Variants in KLHL1 observed in about 807,000 individuals in gnomAD.
The protein encoded by KLHL1 is kelch like family member 1, also known as kelch-like protein 1.
In KLHL1, 47 loss-of-function variants were observed where a neutral mutation model predicts 77.7. The ratio of observed to expected loss-of-function variants is 0.60; its 90% CI spans 0.48 to 0.77. The LOEUF (loss-of-function observed/expected upper bound fraction) is 0.77. KLHL1 is among the 30% of genes least tolerant of loss of function. The pLI, the probability that KLHL1 is intolerant of heterozygous loss-of-function variation, is 0.00. For synonymous variants in KLHL1, 360 were observed against 325.2 expected (o/e 1.11, Z -1.15); for missense variants, 925 against 910.8 (o/e 1.02, Z -0.20).
chr13:69,805,212 C>G (rs1161118414), intron 6 of KLHL1, among the ~76,000 whole-genome samples: 2 of 151,836 alleles, frequency 1.3e-5, no homozygotes, highest in African/African-American at 2.4e-5. Context: ...TATTCCATAT[C>G]AATCCCTGAT....
chr13:69,752,539 C>T (rs1874531402), intron 7 of KLHL1, among the ~76,000 whole-genome samples: 2 of 152,166 alleles, frequency 1.3e-5, no homozygotes, highest in South Asian at 2.1e-4. Flanking sequence ...AAATAACAAT[C>T]GTTTGCAACT....
At chr13:69,910,423 T>G (rs1882198287) in intron 4 of KLHL1, among the ~76,000 whole-genome samples, 1 of 152,050 alleles carries the variant, frequency 6.6e-6, no homozygotes. Flanking sequence ...GAGTTTACCT[T>G]ACATGTTATT....
intron 1 of KLHL1, among the ~76,000 whole-genome samples, chr13:70,091,566 T>G (rs1427786998): frequency 6.6e-6 from 1 of 152,162 alleles, no homozygotes; most frequent in South Asian, 2.1e-4. Context: ...GGATCTAAAA[T>G]TCACTCTCTC....
chr13:69,764,842 G>A (rs1875196490), intron 7 of KLHL1, among the ~76,000 whole-genome samples: 1 of 150,672 alleles, frequency 6.6e-6, no homozygotes, highest in Non-Finnish European at 1.5e-5. Context: ...TACCCTAGAG[G>A]GTGCATAATG....
At chr13:69,972,247 C>T (rs1224054684) in intron 2 of KLHL1, among the ~76,000 whole-genome samples, 1 of 151,874 alleles carries the variant, frequency 6.6e-6, no homozygotes, top group Admixed American at 6.6e-5. Context: ...CTAAATGCAT[C>T]ATTTCAATTG....
intron 5 of KLHL1, among the ~76,000 whole-genome samples, chr13:69,862,754 G>C (rs12867655): frequency 0.32 from 48,215 of 151,678 alleles, 8,160 homozygotes; most frequent in African/African-American, 0.44. Flanking sequence ...ATCTCTCTCT[G>C]TTTGTTTCTT....
At chr13:70,020,452 A>G (rs940587326) in intron 1 of KLHL1, among the ~76,000 whole-genome samples, 12 of 152,126 alleles carry the variant, frequency 7.9e-5, no homozygotes, top group African/African-American at 2.4e-4. Context: ...CTTCATTAAA[A>G]AGTCTCTTGT....
chr13:69,722,916 C>G (rs1204842817), intron 8 of KLHL1, among the ~76,000 whole-genome samples: 1 of 151,988 alleles, frequency 6.6e-6, no homozygotes, highest in South Asian at 2.1e-4. Flanking sequence ...ACGGAATCAA[C>G]TAAATGCTCA....
rs148521552 is a variant in KLHL1, at chr13:70,082,673, G to A, written c.497+24530C>T. ...CAGGTTTGTTACCTGGGCATATTAC[G>A]TGATGCTGAAGTTTGGGGTAGCAAA... is the stretch of plus-strand genomic sequence containing the variant. On this transcript the variant is annotated intron_variant, in intron 1 of 10. Coordinates refer to ENST00000377844, the MANE Select transcript of KLHL1 (RefSeq NM_020866.3). 3.8e-3 allele frequency among the ~76,000 whole-genome samples: 574 copies of A among 152,142 alleles called. 16 individuals carry two copies. Among genetic ancestry groups the A allele is most frequent in the Non-Finnish European group, 1.1e-3 (78 of 68,006 alleles).
chr13:69,923,618 G>A (rs942652009), intron 4 of KLHL1, among the ~76,000 whole-genome samples: 24 of 152,278 alleles, frequency 1.6e-4, no homozygotes, highest in Non-Finnish European at 2.6e-4. Context: ...TGGGAAGGAA[G>A]ACACATTTAT....
chr13:69,910,602 C>T (rs181078828), intron 4 of KLHL1, among the ~76,000 whole-genome samples: 295 of 152,048 alleles, frequency 1.9e-3, no homozygotes, highest in Admixed American at 3.5e-3. Context: ...CAAACATAGA[C>T]TGAGAAATTA....
At chr13:69,728,057 C>G (rs760744095) in intron 8 of KLHL1, among the ~76,000 whole-genome samples, 7 of 152,110 alleles carry the variant, frequency 4.6e-5, no homozygotes, top group Admixed American at 2.0e-4. Flanking sequence ...AAAATCATCT[C>G]TTTCAGTATG....
intron 4 of KLHL1, among the ~76,000 whole-genome samples, chr13:69,906,264 A>G (rs1360113603): frequency 6.6e-6 from 1 of 152,016 alleles, no homozygotes; most frequent in East Asian, 1.9e-4. Flanking sequence ...GGGAATTTTT[A>G]TTACCTAAAA....
At chr13:69,752,101 G>C (rs901856267) in intron 7 of KLHL1, among the ~76,000 whole-genome samples, 1 of 152,020 alleles carries the variant, frequency 6.6e-6, no homozygotes, top group Non-Finnish European at 1.5e-5. Context: ...TTAATGAAGC[G>C]ATATATACAA....
At chr13:69,718,662 T>C (rs990422988) in intron 9 of KLHL1, among the ~76,000 whole-genome samples, 14 of 152,206 alleles carry the variant, frequency 9.2e-5, no homozygotes, top group African/African-American at 2.6e-4. Flanking sequence ...CCTTACTACA[T>C]ACCATATAAT....
intron 7 of KLHL1, among the ~76,000 whole-genome samples, chr13:69,754,103 A>G (rs895275164): frequency 1.3e-5 from 2 of 151,982 alleles, no homozygotes; most frequent in African/African-American, 4.8e-5. Flanking sequence ...CAGCCTCCCA[A>G]AATGCTAGGA....
chr13:69,820,972 A>C (rs1593860862), intron 6 of KLHL1, among the ~76,000 whole-genome samples: 1 of 152,236 alleles, frequency 6.6e-6, no homozygotes, highest in Non-Finnish European at 1.5e-5. Context: ...TCTGTGGATC[A>C]CCTTGTGTGT....
At chr13:69,988,019 T>C (rs1040238962) in intron 1 of KLHL1, among the ~76,000 whole-genome samples, 1 of 151,972 alleles carries the variant, frequency 6.6e-6, no homozygotes, top group East Asian at 1.9e-4. Context: ...GGCGAACTCA[T>C]GACTCGAGGG....
rs71116960 is a variant in KLHL1, at chr13:69,926,946, C to CAAAAAAAAAAAAAAAA, written c.1014+13078_1014+13093dup. On this transcript the variant is annotated intron_variant, in intron 4 of 10. Transcript: ENST00000377844. ...TGGGTGACAGAGTGAGACTCCATCT[C>CAAAAAAAAAAAAAAAA]AAAAAAAAAAAAAAAAAAAAAAAAG... Among the ~76,000 whole-genome samples the CAAAAAAAAAAAAAAAA allele has an allele frequency of 5.5e-5, 2 of 36,038 alleles. 1 individual carries two copies. Among genetic ancestry groups the CAAAAAAAAAAAAAAAA allele is most frequent in the Non-Finnish European group, 8.7e-5 (2 of 22,872 alleles). 23.6% of individuals were successfully genotyped at this position (36,038 alleles called of 152,430 possible).
Sources: gnomAD v4.1 joint callset for allele counts (sites outside exome capture counted in the v4.1 genomes callset) on GRCh38, gnomAD v4.1.1 for gene constraint, MANE v1.5 for transcripts, NCBI Gene and HGNC (gene_info 2026-07-23, HGNC 2026-07-21) for gene names.